Variants in QTMAN observed in about 807,000 individuals in gnomAD.
The protein encoded by QTMAN is tRNA-queuosine alpha-mannosyltransferase.
At chr2:144,027,442 T>C in the QTMAN span, among the ~76,000 whole-genome samples, 1 of 152,210 alleles carries the variant, frequency 6.6e-6, no homozygotes, top group African/African-American at 2.4e-5. Flanking sequence ...AATGGAAAGA[T>C]ACTGATGTCA....
At chr2:144,151,823 A>G in the QTMAN span, among the ~76,000 whole-genome samples, 2 of 152,220 alleles carry the variant, frequency 1.3e-5, no homozygotes, top group African/African-American at 2.4e-5. Flanking sequence ...TCATCAATAT[A>G]CAAAATTCAT....
At chr2:144,089,947 T>C in the QTMAN span, among the ~76,000 whole-genome samples, 6 of 152,034 alleles carry the variant, frequency 3.9e-5, no homozygotes, top group Non-Finnish European at 5.9e-5. Context: ...ACGCAGTATA[T>C]ACATGTAACA....
the QTMAN span, among the ~76,000 whole-genome samples, chr2:144,038,583 A>G: frequency 2.4e-4 from 36 of 152,190 alleles, no homozygotes; most frequent in Non-Finnish European, 4.1e-4. Flanking sequence ...AAACATTCCA[A>G]AATAACTCAG....
At chr2:144,036,031 C>A in the QTMAN span, among the ~76,000 whole-genome samples, 1 of 152,160 alleles carries the variant, frequency 6.6e-6, no homozygotes, top group Admixed American at 6.5e-5. Context: ...TCCCTCTAAT[C>A]AGGATATTCA....
At chr2:144,181,667 T>C in the QTMAN span, among the ~76,000 whole-genome samples, 1 of 151,894 alleles carries the variant, frequency 6.6e-6, no homozygotes, top group Non-Finnish European at 1.5e-5. Context: ...AAAAATGAGC[T>C]GGGTGTGGTG....
chr2:144,019,181 A>T, the QTMAN span, among the ~76,000 whole-genome samples: 1 of 152,176 alleles, frequency 6.6e-6, no homozygotes, highest in Non-Finnish European at 1.5e-5. Flanking sequence ...TAAACATTCC[A>T]GATACGGCTT....
the QTMAN span, among the ~76,000 whole-genome samples, chr2:144,245,611 A>C: frequency 6.6e-6 from 1 of 152,204 alleles, no homozygotes; most frequent in Non-Finnish European, 1.5e-5. Flanking sequence ...GTTTTTCTTT[A>C]ACCAAATAGA....
the QTMAN span, among the ~76,000 whole-genome samples, chr2:144,282,960 C>T: frequency 6.6e-6 from 1 of 152,326 alleles, no homozygotes; most frequent in South Asian, 2.1e-4. Flanking sequence ...AATACATCCA[C>T]GTGCTCAGAG....
At chr2:144,214,700 T>C in the QTMAN span, among the ~76,000 whole-genome samples, 1 of 152,198 alleles carries the variant, frequency 6.6e-6, no homozygotes, top group East Asian at 1.9e-4. Flanking sequence ...TTGTGTCTTG[T>C]TGTAGAGACT....
At chr2:144,182,526 C>T in the QTMAN span, among the ~76,000 whole-genome samples, 18 of 150,688 alleles carry the variant, frequency 1.2e-4, no homozygotes, top group East Asian at 3.6e-3. Context: ...CATCTGTAAT[C>T]CCACCTACTT....
chr2:144,138,027 A>G, the QTMAN span, among the ~76,000 whole-genome samples: 5 of 152,108 alleles, frequency 3.3e-5, no homozygotes, highest in Non-Finnish European at 7.4e-5. Flanking sequence ...TCTCACTTCA[A>G]TCTTGGGCTC....
chr2:143,975,671 T>C, the QTMAN span, among the ~76,000 whole-genome samples: 1 of 152,174 alleles, frequency 6.6e-6, no homozygotes, highest in Non-Finnish European at 1.5e-5. Context: ...GACGAAAGTA[T>C]CTAAAAGCAA....
the QTMAN span, chr2:143,942,853 G>A: frequency 6.2e-6 from 1 of 161,988 alleles, no homozygotes; most frequent in Non-Finnish European, 1.5e-5. Context: ...ATCAATAATT[G>A]AGAAAACCAA....
the QTMAN span, chr2:144,007,434 T>C: frequency 1.9e-6 from 3 of 1,613,204 alleles, no homozygotes; most frequent in African/African-American, 4.0e-5. Flanking sequence ...TGAATCTCTC[T>C]GCTCTGGCTG....
At chr2:144,317,072 G>C in the QTMAN span, among the ~76,000 whole-genome samples, 1 of 152,070 alleles carries the variant, frequency 6.6e-6, no homozygotes, top group Non-Finnish European at 1.5e-5. Context: ...GTATTCCATT[G>C]ATATACTTAC....
chr2:143,949,769 C>G, the QTMAN span, among the ~76,000 whole-genome samples: 1 of 151,830 alleles, frequency 6.6e-6, no homozygotes, highest in African/African-American at 2.4e-5. Context: ...GAAAATGTGT[C>G]TATTTATAAA....
chr2:143,982,987 T>C, the QTMAN span, among the ~76,000 whole-genome samples: 2 of 151,878 alleles, frequency 1.3e-5, no homozygotes, highest in East Asian at 1.9e-4. Context: ...AACCAACAGG[T>C]AGAAAAGAAG....
At chr2:144,043,783 A>C in the QTMAN span, among the ~76,000 whole-genome samples, 1 of 152,236 alleles carries the variant, frequency 6.6e-6, no homozygotes, top group Admixed American at 6.5e-5. Flanking sequence ...GAGGTTGCTT[A>C]AAATTAACTG....
chr2:143,978,559 G>A, the QTMAN span, among the ~76,000 whole-genome samples: 1 of 152,170 alleles, frequency 6.6e-6, no homozygotes, highest in Non-Finnish European at 1.5e-5. Flanking sequence ...ACTCTGGCCA[G>A]TAAGCCTGTA....
Sources: allele counts gnomAD v4.1 joint callset (sites outside exome capture counted in the v4.1 genomes callset), GRCh38; gene constraint gnomAD v4.1.1; transcripts MANE v1.5; gene names NCBI Gene and HGNC (gene_info 2026-07-23, HGNC 2026-07-21).